The following ACOT1 variants were observed in gnomAD, a reference collection of about 807,000 sequenced individuals.
ACOT1 encodes the protein acyl-CoA thioesterase 1.
In ACOT1, 8 loss-of-function variants were observed where a neutral mutation model predicts 15.7. The ratio of observed to expected loss-of-function variants is 0.51; its 90% CI spans 0.30 to 0.92. The LOEUF (loss-of-function observed/expected upper bound fraction) is 0.92. Ranked by LOEUF, ACOT1 falls within the 40% of genes least tolerant of loss-of-function variation. The probability of loss-of-function intolerance (pLI) is 0.06; values close to 1 mark genes in which losing one functional copy is unlikely to be tolerated. For missense variants in ACOT1, 151 were observed against 539.4 expected, an observed-to-expected ratio of 0.28 and a Z score of 7.13; for synonymous variants, 67 against 241.2, an observed-to-expected ratio of 0.28 and a Z score of 6.69.
chr14:73,523,775 C>G, the ACOT1 span, among the ~76,000 whole-genome samples: 1 of 152,160 alleles, frequency 6.6e-6, no homozygotes, highest in African/African-American at 2.4e-5. Context: ...TTGTGCTGCT[C>G]CATAACTCTT....
chr14:73,517,397 G>T, the ACOT1 span: 2 of 152,034 alleles, frequency 1.3e-5, no homozygotes, highest in Admixed American at 6.6e-5. Flanking sequence ...GAATCCTCTG[G>T]CTGGGAGAGT....
the ACOT1 span, among the ~76,000 whole-genome samples, chr14:73,494,186 TA>T: frequency 6.6e-6 from 1 of 152,210 alleles, no homozygotes; most frequent in South Asian, 2.1e-4. Context: ...GACAAGTGAA[TA>T]TTCTCATGGT....
Position 73,537,405 on chromosome 14 carries a change from T to C in ACOT1, c.-17T>C, listed in dbSNP as rs1433384684. On this transcript the variant is annotated 5_prime_UTR_variant, in exon 1 of 3. Transcript: ENST00000311148. ...CAGCTGAGGCAGTTTGGCCGGATTA[T>C]TTGGGTTCCTGCTCGGATGGCGGCG... 18 of 1,234,608 alleles carry C rather than the reference T, an allele frequency of 1.5e-5. 6 individuals carry two copies. The highest frequency in any genetic ancestry group is 1.9e-5 in the Non-Finnish European group (18 of 931,652). The allele number at this position is 1,234,608 out of a possible 1,614,324, so 76.5% of individuals were successfully genotyped here. A position where few individuals can be genotyped will look rare whatever the true frequency, so the allele number is the denominator to read the frequency against.
At chr14:73,510,798 A>G in the ACOT1 span, among the ~76,000 whole-genome samples, 1 of 152,180 alleles carries the variant, frequency 6.6e-6, no homozygotes, top group Non-Finnish European at 1.5e-5. Context: ...GCACAGGAGC[A>G]TGTTGTTTAT....
chr14:73,541,118 C>A (rs1196921762), intron 1 of ACOT1, among the ~76,000 whole-genome samples: 1 of 113,532 alleles, frequency 8.8e-6, no homozygotes, highest in East Asian at 6.8e-4. Context: ...TAAGTGGAGT[C>A]ATTCAGAATG....
At chr14:73,500,179 G>A in the ACOT1 span, among the ~76,000 whole-genome samples, 3 of 152,118 alleles carry the variant, frequency 2.0e-5, no homozygotes, top group East Asian at 1.9e-4. Flanking sequence ...GCAGTGAGCC[G>A]AGATGGCGCC....
At chr14:73,528,863 G>C in the ACOT1 span, 1 of 152,136 alleles carries the variant, frequency 6.6e-6, no homozygotes, top group South Asian at 2.1e-4. Flanking sequence ...TAGGGCTATG[G>C]GGTACTCAGC....
chr14:73,498,046 G>T, the ACOT1 span: 15 of 1,003,676 alleles, frequency 1.5e-5, no homozygotes, highest in South Asian at 2.3e-4. Flanking sequence ...GTGAACCAGT[G>T]CTTTTACTGC....
At chr14:73,525,234 A>C in the ACOT1 span, among the ~76,000 whole-genome samples, 2 of 152,030 alleles carry the variant, frequency 1.3e-5, no homozygotes, top group Admixed American at 1.3e-4. Flanking sequence ...GGGTCTCACT[A>C]TGTTGCCCAG....
chr14:73,496,702 T>TATCTTTC, the ACOT1 span: 1 of 1,275,440 alleles, frequency 7.8e-7, no homozygotes, highest in Non-Finnish European at 1.1e-6. Context: ...AAGGGCTTCT[T>TATCTTTC]AGATTATTCT....
chr14:73,491,052 GGCGCGGGCGGCCGAA>G, the ACOT1 span: 1 of 1,590,016 alleles, frequency 6.3e-7, no homozygotes, highest in African/African-American at 1.4e-5. Flanking sequence ...GGGCCGTTGA[GGCGCGGGCGGCCGAA>G]GCGCCGGCGC....
chr14:73,522,160 A>G, the ACOT1 span: 3 of 1,113,476 alleles, frequency 2.7e-6, no homozygotes, highest in East Asian at 4.7e-5. Flanking sequence ...GGTGGAGAAC[A>G]TGAAGTTGAT....
At chr14:73,503,685 G>GC in the ACOT1 span, among the ~76,000 whole-genome samples, 1 of 152,044 alleles carries the variant, frequency 6.6e-6, no homozygotes, top group African/African-American at 2.4e-5. Context: ...AGTCTTCTTT[G>GC]CCCCTTGTAA....
the ACOT1 span, chr14:73,502,848 C>T: frequency 6.8e-7 from 1 of 1,478,186 alleles, no homozygotes; most frequent in Non-Finnish European, 9.5e-7. Flanking sequence ...CTCCTAAACA[C>T]TTCTAAGAAT....
upstream of ACOT1, among the ~76,000 whole-genome samples, chr14:73,535,465 C>CTTTTTTTTTTTTTTTTTTT (rs1888827549): frequency 6.3e-5 from 1 of 15,806 alleles, no homozygotes; most frequent in Non-Finnish European, 2.5e-4. Flanking sequence ...TCTTTTTCTT[C>CTTTTTTTTTTTTTTTTTTT]TTTCTTTTTT....
the ACOT1 span, among the ~76,000 whole-genome samples, chr14:73,504,130 T>G: frequency 6.8e-6 from 1 of 147,512 alleles, no homozygotes; most frequent in African/African-American, 2.5e-5. Context: ...CAGGCTGGAG[T>G]GCAATGGCAC....
At chr14:73,491,062 G>A in the ACOT1 span, 2 of 1,593,374 alleles carry the variant, frequency 1.3e-6, no homozygotes, top group East Asian at 2.3e-5. Flanking sequence ...GGCGCGGGCG[G>A]CCGAAGCGCC....
the ACOT1 span, chr14:73,503,073 C>T: frequency 1.3e-5 from 18 of 1,346,774 alleles, no homozygotes; most frequent in African/African-American, 2.9e-5. Flanking sequence ...TTGTGCTTGG[C>T]GTTGTGCTGT....
At chr14:73,493,261 G>T in the ACOT1 span, 11 of 671,288 alleles carry the variant, frequency 1.6e-5, no homozygotes, top group Admixed American at 9.4e-5. Context: ...GCTTGAGACA[G>T]ATATTAGATT....
Sources: gnomAD v4.1 joint callset for allele counts (sites outside exome capture counted in the v4.1 genomes callset) on GRCh38, gnomAD v4.1.1 for gene constraint, MANE v1.5 for transcripts, NCBI Gene and HGNC (gene_info 2026-07-23, HGNC 2026-07-21) for gene names.